The following ZCCHC7 variants were observed in gnomAD, a reference collection of about 807,000 sequenced individuals.
ZCCHC7 encodes zinc finger CCHC domain-containing protein 7.
ZCCHC7 carries 35 observed loss-of-function variants against 52.0 expected under a neutral mutation model. That is an observed-to-expected ratio of 0.67 (90% CI 0.51 to 0.89). The LOEUF (loss-of-function observed/expected upper bound fraction) is 0.89, where lower values mean the gene tolerates loss of function less well. ZCCHC7 is among the 40% of genes least tolerant of loss of function. ZCCHC7 has a pLI of 0.00. For missense variants in ZCCHC7, 574 were observed against 649.1 expected (o/e 0.88, Z 1.26); for synonymous variants, 217 against 221.5 (o/e 0.98, Z 0.18).
At chr9:37,346,951 G>C (rs1288652983) in intron 6 of ZCCHC7, among the ~76,000 whole-genome samples, 1 of 152,068 alleles carries the variant, frequency 6.6e-6, no homozygotes, top group African/African-American at 2.4e-5. Flanking sequence ...AGCCATGATT[G>C]TGCCTCTGTA....
At chr9:37,180,758 A>G (rs1822309799) in intron 2 of ZCCHC7, among the ~76,000 whole-genome samples, 1 of 152,122 alleles carries the variant, frequency 6.6e-6, no homozygotes, top group African/African-American at 2.4e-5. Flanking sequence ...TCAGGCAGGT[A>G]TTTGAGGAGA....
chr9:37,208,243 C>T (rs536272910), intron 2 of ZCCHC7, among the ~76,000 whole-genome samples: 2 of 152,268 alleles, frequency 1.3e-5, no homozygotes, highest in South Asian at 2.1e-4. Context: ...CACCACCACA[C>T]GCGGCTAATT....
chr9:37,193,384 T>C (rs1478544533), intron 2 of ZCCHC7, among the ~76,000 whole-genome samples: 1 of 152,144 alleles, frequency 6.6e-6, no homozygotes, highest in African/African-American at 2.4e-5. Flanking sequence ...ACTAAAATTC[T>C]CCTACAATAG....
intron 2 of ZCCHC7, among the ~76,000 whole-genome samples, chr9:37,268,670 C>T (rs1827233799): frequency 6.6e-6 from 1 of 152,192 alleles, no homozygotes; most frequent in Non-Finnish European, 1.5e-5. Context: ...TTGTGATCCG[C>T]CCACCTCGGC....
At chr9:37,199,577 C>T (rs1286826551) in intron 2 of ZCCHC7, among the ~76,000 whole-genome samples, 1 of 151,790 alleles carries the variant, frequency 6.6e-6, no homozygotes, top group Non-Finnish European at 1.5e-5. Context: ...AGGTGATCCA[C>T]CTGCCTCGGC....
At chr9:37,144,736 T>C (rs774389282) in intron 2 of ZCCHC7, among the ~76,000 whole-genome samples, 24 of 152,032 alleles carry the variant, frequency 1.6e-4, no homozygotes, top group Non-Finnish European at 2.5e-4. Flanking sequence ...TTCTTTCTTG[T>C]ACTTTTGTTG....
chr9:37,275,865 G>A (rs1827661510), intron 2 of ZCCHC7, among the ~76,000 whole-genome samples: 1 of 152,130 alleles, frequency 6.6e-6, no homozygotes, highest in Non-Finnish European at 1.5e-5. Flanking sequence ...GGCCAAAGCT[G>A]GTCTTGAACT....
intron 6 of ZCCHC7, among the ~76,000 whole-genome samples, chr9:37,340,782 C>T (rs1820588394): frequency 6.6e-6 from 1 of 152,116 alleles, no homozygotes; most frequent in Non-Finnish European, 1.5e-5. Context: ...TATTCTAATA[C>T]AGAAATGTTC....
At chr9:37,272,096 C>G (rs1827444616) in intron 2 of ZCCHC7, among the ~76,000 whole-genome samples, 1 of 152,260 alleles carries the variant, frequency 6.6e-6, no homozygotes, top group Admixed American at 6.5e-5. Flanking sequence ...AGAACACACA[C>G]AGACATTATA....
intron 7 of ZCCHC7, among the ~76,000 whole-genome samples, chr9:37,349,958 T>G (rs1018377641): frequency 2.0e-5 from 3 of 151,512 alleles, no homozygotes; most frequent in Non-Finnish European, 4.4e-5. Context: ...CAGCTAATTT[T>G]TGTATTGTTA....
intron 5 of ZCCHC7, among the ~76,000 whole-genome samples, chr9:37,326,672 T>A: frequency 6.7e-6 from 1 of 150,298 alleles, no homozygotes; most frequent in Non-Finnish European, 1.5e-5. Context: ...TTTCTTAAAT[T>A]ATTATCATAG....
At chr9:37,152,184 A>G (rs973355339) in intron 2 of ZCCHC7, among the ~76,000 whole-genome samples, 4 of 152,146 alleles carry the variant, frequency 2.6e-5, no homozygotes, top group Admixed American at 2.0e-4. Context: ...TGAATTAGGT[A>G]GGAAAATAAA....
intron 6 of ZCCHC7, among the ~76,000 whole-genome samples, chr9:37,337,500 C>G (rs1007535177): frequency 1.3e-5 from 2 of 150,966 alleles, no homozygotes; most frequent in African/African-American, 2.4e-5. Flanking sequence ...AGGTCGATAG[C>G]ATTACAAGGT....
chr9:37,340,406 A>G (rs1418904712), intron 6 of ZCCHC7, among the ~76,000 whole-genome samples: 2 of 120,278 alleles, frequency 1.7e-5, no homozygotes, highest in African/African-American at 7.8e-5. Flanking sequence ...AATGTCTGCA[A>G]CCAAAAAAAA....
chr9:37,277,319 C>G (rs1448345751), intron 2 of ZCCHC7, among the ~76,000 whole-genome samples: 1 of 152,076 alleles, frequency 6.6e-6, no homozygotes, highest in Non-Finnish European at 1.5e-5. Context: ...TATACACACA[C>G]ATAATTGAAA....
chr9:37,196,083 ATGTT>A (rs1351701772), intron 2 of ZCCHC7, among the ~76,000 whole-genome samples: 1 of 152,144 alleles, frequency 6.6e-6, no homozygotes, highest in African/African-American at 2.4e-5. Flanking sequence ...TAAGACTAGA[ATGTT>A]TGTGTCAGGC....
chr9:37,294,970 T>C (rs1828715682), intron 2 of ZCCHC7, among the ~76,000 whole-genome samples: 1 of 152,184 alleles, frequency 6.6e-6, no homozygotes, highest in African/African-American at 2.4e-5. Context: ...TCAAAGGAGA[T>C]AGAAATGTTA....
intron 2 of ZCCHC7, among the ~76,000 whole-genome samples, chr9:37,159,954 C>G (rs952047012): frequency 6.6e-6 from 1 of 152,182 alleles, no homozygotes; most frequent in African/African-American, 2.4e-5. Flanking sequence ...ATTAAACCAT[C>G]TTTGTAAACA....
chr9:37,126,349 A>C lies in ZCCHC7; in HGVS notation c.17A>C (p.Tyr6Ser), dbSNP rs145285114. The C allele has an allele frequency of 4.3e-6, 7 of 1,612,752 alleles. No homozygotes were observed. The highest frequency in any genetic ancestry group is 5.9e-6 in the Non-Finnish European group (7 of 1,179,320). The part of the protein sequence containing the change: MMFGG[Y>S]ETIEAYEDDL... ...TGACTTTTTATGATGTTTGGTGGCT[A>C]TGAGACTATAGAAGCATACGAAGAT... The change falls in exon 2 of 9, where the codon TAT (tyrosine) becomes TCT (serine). Residue 6 changes from tyrosine to serine, a missense_variant. By Grantham distance (144) the Tyr-to-Ser change is moderately radical (BLOSUM62 -2). Around this residue, in one of 3 missense-constraint regions of ZCCHC7, gnomAD observed 403 missense variants for 461.2 expected, o/e 0.87. Transcript: ENST00000336755.
Sources: gnomAD v4.1 joint callset for allele counts (sites outside exome capture counted in the v4.1 genomes callset) on GRCh38, gnomAD v4.1.1 for gene constraint, gnomAD v4.1.1 regional missense constraint, MANE v1.5 for transcripts, NCBI Gene and HGNC (gene_info 2026-07-23, HGNC 2026-07-21) for gene names.